The following COL5A1 variants were observed in gnomAD, a reference collection of about 807,000 sequenced individuals.
COL5A1 encodes collagen type V alpha 1 chain.
A neutral mutation model predicts 263.7 loss-of-function variants in COL5A1; 16 were observed. The observed-to-expected ratio is 0.06, with a 90% CI of 0.04 to 0.09. The LOEUF (loss-of-function observed/expected upper bound fraction) is 0.09, where lower values mean the gene tolerates loss of function less well. Among genes scored for constraint, COL5A1 ranks in the 10% least tolerant of loss-of-function variants. COL5A1 has a pLI of 1.00. For synonymous variants in COL5A1, 1,012 were observed against 1,004.5 expected (o/e 1.01, Z -0.14); for missense variants, 2,036 against 2,540.5 (o/e 0.80, Z 4.27).
Position 134,823,554 on chromosome 9 carries a change from C to A in COL5A1, c.4698+85C>A, listed in dbSNP as rs888778464. The stretch of plus-strand genomic sequence containing the variant: ...TGAGAAAGCAACTGTGTGTGTGTGA[C>A]CCCTCCTGAGACTCATGAAGCCCAT... On this transcript the variant is annotated intron_variant, in intron 61 of 65. Transcript: ENST00000371817. The A allele has an allele frequency of 4.2e-6, 6 of 1,415,286 alleles. No individual in the cohort carries two copies. In the African/African-American group the frequency reaches 7.1e-5, roughly 17 times the overall value. 87.7% of individuals were successfully genotyped at this position (1,415,286 alleles called of 1,614,324 possible).
intron 36 of COL5A1, among the ~76,000 whole-genome samples, chr9:134,798,093 G>A (rs1045774962): frequency 3.3e-5 from 5 of 152,184 alleles, no homozygotes; most frequent in Admixed American, 2.0e-4. Flanking sequence ...TCCTGGCACC[G>A]GCTGTGTCAC....
Position 134,798,437 on chromosome 9 carries a change from A to G in COL5A1, c.2928A>G (p.Gly976=), listed in dbSNP as rs1302304599. 1 of 1,614,124 alleles carries G rather than the reference A, an allele frequency of 6.2e-7. No individual in the cohort carries two copies. Residue 976 remains glycine (G), a synonymous_variant, in exon 37 of 66, where the codon GGA becomes GGG. Transcript: ENST00000371817. ...PGPPGKDGLP[G]HPGQRGETGF... is the part of the protein sequence containing the mutation. ...CTCCAGGCAAGGATGGACTCCCAGG[A>G]CACCCTGGACAGAGAGGCGAGACTG... is the stretch of plus-strand genomic sequence containing the variant.
chr9:134,697,518 C>T (rs10858271), intron 2 of COL5A1, among the ~76,000 whole-genome samples: 16,325 of 151,962 alleles, frequency 0.11, 1,316 homozygotes, highest in East Asian at 0.4. Context: ...GGGGTGGGGA[C>T]GGGAGCCAGG....
chr9:134,785,866 G>A, intron 30 of COL5A1, 129 bp from the exon 31 acceptor site: 1 of 817,342 alleles, frequency 1.2e-6, no homozygotes, highest in South Asian at 1.5e-5. Context: ...ATAATGACGT[G>A]TGCCCCCGCC....
chr9:134,822,269 G>A, intron 59 of COL5A1, 119 bp downstream of exon 59: 1 of 852,134 alleles, frequency 1.2e-6, no homozygotes, highest in East Asian at 2.4e-5. Context: ...GCTGGAATTG[G>A]GGCCTCCAGG....
intron 41 of COL5A1, among the ~76,000 whole-genome samples, chr9:134,805,638 G>T (rs557522479): frequency 6.6e-6 from 1 of 152,186 alleles, no homozygotes; most frequent in Non-Finnish European, 1.5e-5. Context: ...GGGCAGGATG[G>T]CCCTCACGAT....
intron 4 of COL5A1, 51 bp downstream of exon 4, chr9:134,701,384 T>C (rs747414464): frequency 4.4e-6 from 7 of 1,576,348 alleles, no homozygotes; most frequent in Non-Finnish European, 6.1e-6. Flanking sequence ...ACTCCTCCTG[T>C]GGAGCCACTG....
In COL5A1 at chr9:134,765,415, C is replaced by T. The variant is rs1836625779; in HGVS notation, c.2035-266C>T. On this transcript the variant is annotated intron_variant, in intron 20 of 65. Coordinates refer to ENST00000371817, the MANE Select transcript of COL5A1 (RefSeq NM_000093.5). This position sits in a 1 kb window ranked among gnomAD's most constrained non-coding sequence, Gnocchi z 5.1. Reference sequence around the variant, plus strand: ...AGGAGCCGGTCAGCTTGAAAGCCCCCCTTTCCCTGAGGGTGCCCTGTGGTG... The same window carrying T: ...AGGAGCCGGTCAGCTTGAAAGCCCCTCTTTCCCTGAGGGTGCCCTGTGGTG... Among the ~76,000 whole-genome samples the T allele has an allele frequency of 6.6e-6, 1 of 151,976 alleles. No individual in the cohort carries two copies. The highest frequency in any genetic ancestry group is 2.1e-4 in the South Asian group (1 of 4,812).
At chr9:134,759,714 C>T (rs370595597) in intron 18 of COL5A1, among the ~76,000 whole-genome samples, 1 of 77,494 alleles carries the variant, frequency 1.3e-5, no homozygotes, top group Non-Finnish European at 2.2e-5. Context: ...ATGCACACAC[C>T]CCCCCACCCC....
At chr9:134,760,909 G>T (rs1169390457) in intron 18 of COL5A1, among the ~76,000 whole-genome samples, 1 of 133,272 alleles carries the variant, frequency 7.5e-6, no homozygotes, top group African/African-American at 2.9e-5. Flanking sequence ...ATACACACAT[G>T]CACACACACA....
chr9:134,804,358 G>T (rs1425067094), intron 39 of COL5A1, among the ~76,000 whole-genome samples: 1 of 151,920 alleles, frequency 6.6e-6, no homozygotes, highest in Non-Finnish European at 1.5e-5. Flanking sequence ...GAAAGTCGAG[G>T]CTAAGGGGTG....
At chr9:134,659,489 A>G (rs1043823111) in intron 1 of COL5A1, among the ~76,000 whole-genome samples, 1 of 152,192 alleles carries the variant, frequency 6.6e-6, no homozygotes, top group Non-Finnish European at 1.5e-5. Context: ...AGGCCTTCCG[A>G]GAGTGCCAAG....
intron 37 of COL5A1, among the ~76,000 whole-genome samples, chr9:134,801,527 G>T (rs1390579266): frequency 6.6e-6 from 1 of 152,230 alleles, no homozygotes. Context: ...GGTGGCTCAC[G>T]CCTGTAATCC....
At chr9:134,838,013 G>A (rs1056236678) in intron 65 of COL5A1, among the ~76,000 whole-genome samples, 3 of 152,138 alleles carry the variant, frequency 2.0e-5, no homozygotes, top group African/African-American at 7.2e-5. Flanking sequence ...GACAGCCCAG[G>A]CCATGGCTGC....
chr9:134,648,309 A>G (rs1831545755), intron 1 of COL5A1, among the ~76,000 whole-genome samples: 1 of 147,794 alleles, frequency 6.8e-6, no homozygotes, highest in Non-Finnish European at 1.5e-5. Context: ...TATATAATAT[A>G]TATATATATA....
chr9:134,744,997 G>C (rs1564426608), intron 11 of COL5A1, among the ~76,000 whole-genome samples: 1 of 152,242 alleles, frequency 6.6e-6, no homozygotes, highest in Non-Finnish European at 1.5e-5. Context: ...ATGGAGGCTG[G>C]TCTGCAGGCT....
chr9:134,766,867 T>G, intron 22 of COL5A1, 133 bp from the exon 23 acceptor site: 1 of 908,662 alleles, frequency 1.1e-6, no homozygotes, highest in Non-Finnish European at 1.8e-6. Context: ...CGGCCGCCTT[T>G]CCCTTCCCGC....
rs200690483 is a variant in COL5A1 at position 134,750,636 on chromosome 9, G to A, written c.1569+20G>A. 41 of 1,612,034 alleles carry A rather than the reference G, an allele frequency of 2.5e-5. No individual in the cohort carries two copies. In the African/African-American group the frequency reaches 4.0e-4, roughly 16 times the overall value. Reference sequence around the variant, plus strand: ...CTGCCCGTGAGTACCCTTATCAGTCGGAGGTGGGGAGGCAGCTGGGGCAGG... The same window carrying A: ...CTGCCCGTGAGTACCCTTATCAGTCAGAGGTGGGGAGGCAGCTGGGGCAGG... On this transcript the variant is annotated intron_variant, in intron 12 of 65. Coordinates refer to ENST00000371817, the MANE Select transcript of COL5A1 (RefSeq NM_000093.5).
At chr9:134,837,276 A>G (rs1202180928) in intron 65 of COL5A1, among the ~76,000 whole-genome samples, 2 of 152,108 alleles carry the variant, frequency 1.3e-5, no homozygotes, top group Non-Finnish European at 2.9e-5. Flanking sequence ...GCAAAAAGGG[A>G]AACTAGCTGG....
Sources: allele counts gnomAD v4.1 joint callset (sites outside exome capture counted in the v4.1 genomes callset), GRCh38; gene constraint gnomAD v4.1.1; non-coding constraint Gnocchi (gnomAD v3.1); transcripts MANE v1.5; gene names NCBI Gene and HGNC (gene_info 2026-07-23, HGNC 2026-07-21).